The following LRRC69 variants were observed in gnomAD, a reference collection of about 807,000 sequenced individuals.
LRRC69 encodes leucine-rich repeat-containing protein 69.
A neutral mutation model predicts 37.8 loss-of-function variants in LRRC69; 42 were observed. The observed-to-expected ratio is 1.11, with a 90% CI of 0.87 to 1.44. The LOEUF is 1.44. LRRC69 is among the 40% of genes most tolerant of loss of function. The pLI is 0.00. For synonymous variants in LRRC69, 141 were observed against 143.1 expected (o/e 0.99, Z 0.11); for missense variants, 357 against 401.9 (o/e 0.89, Z 0.96).
intron 6 of LRRC69, among the ~76,000 whole-genome samples, chr8:91,196,133 G>C (rs1809595784): frequency 6.6e-6 from 1 of 151,628 alleles, no homozygotes; most frequent in African/African-American, 2.4e-5. Context: ...TGAAATTCTG[G>C]GTTGAAAATT....
intron 6 of LRRC69, among the ~76,000 whole-genome samples, chr8:91,198,909 T>C (rs929345345): frequency 5.3e-5 from 8 of 152,206 alleles, no homozygotes; most frequent in African/African-American, 1.2e-4. Context: ...TGGTGTATGC[T>C]ATCCTTCCAA....
chr8:91,188,866 C>A (rs1809445938), intron 5 of LRRC69, among the ~76,000 whole-genome samples: 1 of 150,636 alleles, frequency 6.6e-6, no homozygotes, highest in South Asian at 2.1e-4. Context: ...CACTCTGTTG[C>A]CCAGGCTGGA....
chr8:91,138,814 A>T (rs1205548531), intron 5 of LRRC69: 1 of 151,890 alleles, frequency 6.6e-6, no homozygotes, highest in African/African-American at 2.4e-5. Flanking sequence ...GCATTTCGGG[A>T]GGCTGTGGCG....
chr8:91,193,016 A>AT (rs1253168023), intron 6 of LRRC69, among the ~76,000 whole-genome samples: 2 of 151,246 alleles, frequency 1.3e-5, no homozygotes. Context: ...TCTTGAATTG[A>AT]TTTTTGTATA....
intron 1 of LRRC69, among the ~76,000 whole-genome samples, chr8:91,108,512 G>T (rs1186374462): frequency 4.6e-5 from 7 of 152,014 alleles, no homozygotes; most frequent in Admixed American, 4.6e-4. Flanking sequence ...GGAGAATTGT[G>T]TTGTACTATG....
At chr8:91,112,842 A>T (rs1019483908) in intron 1 of LRRC69, among the ~76,000 whole-genome samples, 4 of 152,008 alleles carry the variant, frequency 2.6e-5, no homozygotes, top group Non-Finnish European at 4.4e-5. Context: ...ACTCAATAAA[A>T]AACCGTTAGA....
chr8:91,160,980 T>A (rs1279022908), intron 5 of LRRC69, among the ~76,000 whole-genome samples: 1 of 151,372 alleles, frequency 6.6e-6, no homozygotes, highest in Non-Finnish European at 1.5e-5. Flanking sequence ...TAATACCTAA[T>A]TTGTTGAGAG....
chr8:91,189,763 A>G, intron 6 of LRRC69, 140 bp downstream of exon 6: 2 of 497,004 alleles, frequency 4.0e-6, no homozygotes, highest in Non-Finnish European at 7.0e-6. Context: ...GATCCTATAC[A>G]TAATCTTTTT....
chr8:91,193,510 C>T (rs1225702902), intron 6 of LRRC69, among the ~76,000 whole-genome samples: 1 of 98,774 alleles, frequency 1.0e-5, no homozygotes. Flanking sequence ...TGTTTGTATC[C>T]TCTTTTATTT....
chr8:91,119,405 G>A (rs1009449837), intron 1 of LRRC69, among the ~76,000 whole-genome samples: 2 of 151,896 alleles, frequency 1.3e-5, no homozygotes, highest in East Asian at 1.9e-4. Context: ...ATTCCCAGTC[G>A]CACTCACTTC....
intron 5 of LRRC69, among the ~76,000 whole-genome samples, chr8:91,147,051 G>T (rs4360257): frequency 2.0e-5 from 3 of 151,048 alleles, no homozygotes; most frequent in African/African-American, 7.3e-5. Context: ...CTATTTCTTT[G>T]TGTTCTCCAG....
chr8:91,127,252 CCCTG>C, intron 3 of LRRC69, 92 bp downstream of exon 3: 1 of 935,914 alleles, frequency 1.1e-6, no homozygotes, highest in Non-Finnish European at 1.6e-6. Context: ...TAGCATAAGT[CCCTG>C]TGAGATTTAT....
chr8:91,136,966 C>G (rs1415774342), intron 5 of LRRC69, among the ~76,000 whole-genome samples: 1 of 151,990 alleles, frequency 6.6e-6, no homozygotes, highest in Non-Finnish European at 1.5e-5. Flanking sequence ...ATCTGCCCAC[C>G]TGTGGGACCT....
intron 4 of LRRC69, among the ~76,000 whole-genome samples, chr8:91,133,943 A>G (rs188272799): frequency 1.3e-5 from 2 of 151,872 alleles, no homozygotes; most frequent in Non-Finnish European, 2.9e-5. Flanking sequence ...TGATATTTCA[A>G]TTTAAGTGAG....
chr8:91,159,974 C>CAAA (rs1808908703), intron 5 of LRRC69, among the ~76,000 whole-genome samples: 1 of 145,316 alleles, frequency 6.9e-6, no homozygotes. Context: ...AAAAACAAAA[C>CAAA]AACAACAACA....
chr8:91,179,832 G>T (rs1234750712), intron 5 of LRRC69, among the ~76,000 whole-genome samples: 1 of 152,136 alleles, frequency 6.6e-6, no homozygotes, highest in Admixed American at 6.5e-5. Flanking sequence ...AATGTGACAT[G>T]GTCTTGTAAA....
At chr8:91,110,090 A>G (rs149570868) in intron 1 of LRRC69, among the ~76,000 whole-genome samples, 1 of 152,196 alleles carries the variant, frequency 6.6e-6, no homozygotes, top group Non-Finnish European at 1.5e-5. Flanking sequence ...TGATTCGATT[A>G]CCTTTACAAA....
chr8:91,145,427 T>G (rs906428033), intron 5 of LRRC69, among the ~76,000 whole-genome samples: 6 of 151,940 alleles, frequency 3.9e-5, no homozygotes, highest in Admixed American at 6.6e-5. Context: ...TCCACTTTAT[T>G]CTTGTTCCCA....
chr8:91,199,749 A>G (rs1246062681), intron 6 of LRRC69, among the ~76,000 whole-genome samples: 6 of 152,150 alleles, frequency 3.9e-5, no homozygotes, highest in Admixed American at 3.9e-4. Context: ...GCTACTGACA[A>G]AAACAATGGA....
Sources: allele counts gnomAD v4.1 joint callset (sites outside exome capture counted in the v4.1 genomes callset), GRCh38; gene constraint gnomAD v4.1.1; transcripts MANE v1.5; gene names NCBI Gene and HGNC (gene_info 2026-07-23, HGNC 2026-07-21).